DAPK2: variants seen among roughly 807,000 people sequenced by gnomAD.
DAPK2 encodes the protein death-associated protein kinase 2.
Under a neutral mutation model 44.1 loss-of-function variants are expected in DAPK2, and 35 were observed. That is an observed-to-expected ratio of 0.79 (90% CI 0.61 to 1.05). The LOEUF is 1.05. DAPK2 is among the 50% of genes least tolerant of loss of function. DAPK2 has a pLI of 0.00. For missense variants in DAPK2, 453 were observed against 483.2 expected (o/e 0.94, Z 0.59); for synonymous variants, 174 against 182.6 (o/e 0.95, Z 0.38).
Position 63,963,449 on chromosome 15 carries a change from A to G in DAPK2, c.453+7974T>C, listed in dbSNP as rs146492093. Reference sequence around the variant, plus strand: ...GGAGCTACAGACTGGAGCTGTTCCTATTCGGCCATCTTGGAACCTCTTAAC... The same window carrying G: ...GGAGCTACAGACTGGAGCTGTTCCTGTTCGGCCATCTTGGAACCTCTTAAC... On this transcript the variant is annotated intron_variant, in intron 3 of 10. Coordinates refer to ENST00000261891, the Ensembl canonical transcript of DAPK2. 5.7e-4 allele frequency among the ~76,000 whole-genome samples: 87 copies of G among 152,302 alleles called. 2 individuals are homozygous for G. In the East Asian group the frequency reaches 0.014, roughly 24 times the overall value.
At chr15:63,977,741 G>A (rs2078393461) in intron 2 of DAPK2, among the ~76,000 whole-genome samples, 1 of 152,144 alleles carries the variant, frequency 6.6e-6, no homozygotes, top group Non-Finnish European at 1.5e-5. Context: ...CCACCCGGAG[G>A]GCATCCTCAT....
At chr15:64,045,858 G>A (rs1444427103) in intron 1 of DAPK2, among the ~76,000 whole-genome samples, 2 of 152,218 alleles carry the variant, frequency 1.3e-5, no homozygotes, top group Non-Finnish European at 2.9e-5. Context: ...CAGCCCCAGA[G>A]GAAGCTCAGA....
At chr15:63,911,796 G>T in intron 10 of DAPK2, 112 bp downstream of exon 11, 1 of 1,066,672 alleles carries the variant, frequency 9.4e-7, no homozygotes. Context: ...AGCAGAACTG[G>T]CTGGAAACAG....
chr15:63,926,035 T>C, exon 7 of DAPK2: 4 of 1,614,122 alleles, frequency 2.5e-6, no homozygotes, highest in Non-Finnish European at 3.4e-6. Context: ...CTCACTGCTG[T>C]GATATTTGCC....
At chr15:63,911,772 AG>A (rs918267987) in intron 10 of DAPK2, 135 bp downstream of exon 11, 4 of 847,754 alleles carry the variant, frequency 4.7e-6, no homozygotes, top group Non-Finnish European at 7.7e-6. Flanking sequence ...TTCAGGGAAG[AG>A]GAGGACTGGG....
At chr15:64,012,026 T>C (rs1290892441) in intron 1 of DAPK2, among the ~76,000 whole-genome samples, 1 of 152,180 alleles carries the variant, frequency 6.6e-6, no homozygotes. Flanking sequence ...TGTGTGTCAG[T>C]TCCTTCCGTA....
At chr15:64,019,190 T>C (rs191180612) in intron 1 of DAPK2, among the ~76,000 whole-genome samples, 10 of 152,356 alleles carry the variant, frequency 6.6e-5, no homozygotes, top group Admixed American at 5.2e-4. Context: ...GAGTGCCCTG[T>C]CTCAGACCTG....
intron 3 of DAPK2, among the ~76,000 whole-genome samples, chr15:63,941,449 T>C (rs2077304770): frequency 6.6e-6 from 1 of 152,216 alleles, no homozygotes; most frequent in Non-Finnish European, 1.5e-5. Flanking sequence ...TCTTTGCCCC[T>C]GCAATGCAGA....
chr15:63,929,855 C>T lies in DAPK2; in HGVS notation c.633-278G>A, dbSNP rs75186450. The T allele has an allele frequency of 9.0e-3, 5,431 of 605,044 alleles. 176 individuals carry two copies. The highest frequency in any genetic ancestry group is 0.073 in the African/African-American group (4,009 of 55,294). The allele number at this position is 605,044 out of a possible 1,614,324, so 37.5% of individuals were successfully genotyped here. A position where few individuals can be genotyped will look rare whatever the true frequency, so the allele number is the denominator to read the frequency against. On this transcript the variant is annotated intron_variant, in intron 5 of 10. Transcript: ENST00000261891. ...GTGATTTAGGTAAGTCCCTTACCAC[C>T]TCGGAGCCCTTCCCCCCTTGTAAAA... is the stretch of plus-strand genomic sequence containing the variant.
chr15:64,036,309 G>GTATATATATATATATATACATA (rs1175432400), intron 1 of DAPK2, among the ~76,000 whole-genome samples: 35 of 60,520 alleles, frequency 5.8e-4, no homozygotes, highest in African/African-American at 1.3e-3. Context: ...GTGTGTGTGT[G>GTATATATATATATATATACATA]TATATATATG....
intron 3 of DAPK2, among the ~76,000 whole-genome samples, chr15:63,943,889 C>CA (rs1288332821): frequency 3.3e-5 from 5 of 151,928 alleles, no homozygotes; most frequent in East Asian, 1.9e-4. Context: ...AAAAACAAAA[C>CA]AAAAAAAATC....
At chr15:63,968,208 C>T (rs770852012) in intron 3 of DAPK2, among the ~76,000 whole-genome samples, 11 of 152,230 alleles carry the variant, frequency 7.2e-5, no homozygotes, top group Non-Finnish European at 1.6e-4. Flanking sequence ...AACATGTACC[C>T]GATCCTGAGG....
chr15:64,033,622 A>G (rs2080091664), intron 1 of DAPK2, among the ~76,000 whole-genome samples: 1 of 152,162 alleles, frequency 6.6e-6, no homozygotes, highest in South Asian at 2.1e-4. Flanking sequence ...GAAGAAAATG[A>G]CCATCGCTGG....
intron 1 of DAPK2, among the ~76,000 whole-genome samples, chr15:63,986,909 C>G (rs1324067699): frequency 6.6e-6 from 1 of 152,104 alleles, no homozygotes; most frequent in Non-Finnish European, 1.5e-5. Context: ...AGAAACTATA[C>G]CACTGTTACT....
upstream of DAPK2, chr15:64,046,381 G>GCGCGGCGGGCGCGGGGGA (rs1555485908): frequency 2.7e-6 from 1 of 374,506 alleles, no homozygotes; most frequent in Non-Finnish European, 3.7e-6. The surrounding 1 kb of genome is among the most constrained non-coding windows in gnomAD (Gnocchi z 5.3). Flanking sequence ...GGCGCGGCGG[G>GCGCGGCGGGCGCGGGGGA]CGCGGCGGGA....
At chr15:63,957,757 C>T (rs1298038739) in intron 3 of DAPK2, among the ~76,000 whole-genome samples, 2 of 152,068 alleles carry the variant, frequency 1.3e-5, no homozygotes, top group Admixed American at 6.6e-5. Context: ...ATTCTATCAT[C>T]GATGGACATT....
At chr15:63,994,207 C>T (rs189010646) in intron 1 of DAPK2, among the ~76,000 whole-genome samples, 171 of 152,194 alleles carry the variant, frequency 1.1e-3, no homozygotes, top group Middle Eastern at 3.4e-3. Context: ...CTCACAGGGC[C>T]CACCTCAGCA....
rs535002938 is a variant in DAPK2, at chr15:63,980,984, G to A, written c.314+2549C>T. Among the ~76,000 whole-genome samples the A allele has an allele frequency of 1.3e-5, 2 of 151,992 alleles. No individual in the cohort carries two copies. The highest frequency in any genetic ancestry group is 2.9e-5 in the Non-Finnish European group (2 of 68,004). ...GGGTGCCTGTAATTCCAGCTACTTG[G>A]GAGGCTGAGGTAGGAGAATAGCTTG... On this transcript the variant is annotated intron_variant, in intron 2 of 10. Transcript: ENST00000261891. This position sits in a 1 kb window ranked among gnomAD's most constrained non-coding sequence, Gnocchi z 4.3.
intron 1 of DAPK2, among the ~76,000 whole-genome samples, chr15:64,027,782 T>G (rs190198758): frequency 5.0e-4 from 76 of 152,318 alleles, no homozygotes; most frequent in Non-Finnish European, 9.6e-4. Flanking sequence ...AGGAAATAAG[T>G]ACATGCTGAT....
Sources: allele counts gnomAD v4.1 joint callset (sites outside exome capture counted in the v4.1 genomes callset), GRCh38; gene constraint gnomAD v4.1.1; non-coding constraint Gnocchi (gnomAD v3.1); transcripts MANE v1.5; gene names NCBI Gene and HGNC (gene_info 2026-07-23, HGNC 2026-07-21).